Variants in ACOT11 observed in about 807,000 individuals in gnomAD.
The protein encoded by ACOT11 is acyl-CoA thioesterase 11, also known as acyl-coenzyme A thioesterase 11.
Under a neutral mutation model 77.5 loss-of-function variants are expected in ACOT11, and 69 were observed. The observed-to-expected ratio is 0.89, with a 90% CI of 0.73 to 1.09. ACOT11 has a LOEUF of 1.09. Ranked by LOEUF, ACOT11 falls within the 50% of genes least tolerant of loss-of-function variation. The pLI, the probability that ACOT11 is intolerant of heterozygous loss-of-function variation, is 0.00. For synonymous variants in ACOT11, 279 were observed against 313.0 expected (o/e 0.89, Z 1.15); for missense variants, 766 against 813.7 (o/e 0.94, Z 0.71).
chr1:54,609,778 C>A lies in ACOT11; in HGVS notation c.*666C>A, dbSNP rs61744146. On this transcript the variant is annotated 3_prime_UTR_variant, in exon 16 of 16. Coordinates refer to ENST00000343744, the MANE Select transcript of ACOT11 (RefSeq NM_147161.4). ...GGGATGGCCGGAGGGCTGCGGGCTC[C>A]GCTATTTGCAAATGGATGCCCCAGT... is the stretch of plus-strand genomic sequence containing the variant. 6.2e-7 allele frequency: 1 copy of A among 1,614,166 alleles called. No homozygotes were observed. The highest frequency in any genetic ancestry group is 1.1e-5 in the South Asian group (1 of 91,090).
chr1:54,560,656 C>T (rs1487895245), intron 1 of ACOT11, among the ~76,000 whole-genome samples: 2 of 152,046 alleles, frequency 1.3e-5, no homozygotes, highest in African/African-American at 2.4e-5. Flanking sequence ...AGCTTCCCCT[C>T]TCAGCCTCCC....
At chr1:54,616,098 T>C in intron 15 of ACOT11, 1 of 1,614,150 alleles carries the variant, frequency 6.2e-7, no homozygotes, top group Non-Finnish European at 8.5e-7. Context: ...GGGTGTGCCA[T>C]GATGGGAACT....
chr1:54,611,513 A>T (rs908665457), downstream of ACOT11: 16 of 1,290,954 alleles, frequency 1.2e-5, no homozygotes, highest in African/African-American at 1.8e-4. Flanking sequence ...CCCCCTTCTG[A>T]TATCCCTTCC....
intron 1 of ACOT11, among the ~76,000 whole-genome samples, chr1:54,570,545 C>T (rs985903405): frequency 2.0e-5 from 3 of 152,176 alleles, no homozygotes; most frequent in African/African-American, 7.2e-5. Context: ...GACAGAGTCT[C>T]GCTGTCACCC....
intron 8 of ACOT11, among the ~76,000 whole-genome samples, chr1:54,600,745 G>A (rs1381214485): frequency 6.6e-6 from 1 of 152,232 alleles, no homozygotes; most frequent in Non-Finnish European, 1.5e-5. Flanking sequence ...CAACTGAGCT[G>A]TTTGAAGCAA....
Position 54,609,576 on chromosome 1 carries a change from C to T in ACOT11, c.*464C>T. On this transcript the variant is annotated 3_prime_UTR_variant, in exon 16 of 16. Coordinates refer to ENST00000343744, the MANE Select transcript of ACOT11 (RefSeq NM_147161.4). The stretch of plus-strand genomic sequence containing the variant: ...TGTTCCCTGTAGCCACTGCCCAGCA[C>T]CTCCTCAGGCCAGCCTGGTGCCACA... 1 of 1,613,020 alleles carries T rather than the reference C, an allele frequency of 6.2e-7. No individual in the cohort carries two copies. The highest frequency in any genetic ancestry group is 1.7e-4 in the Middle Eastern group (1 of 6,032).
At chr1:54,599,494 A>C in intron 8 of ACOT11, 79 bp downstream of exon 8, 1 of 1,394,162 alleles carries the variant, frequency 7.2e-7, no homozygotes, top group Non-Finnish European at 9.6e-7. Context: ...CCCTACTTCA[A>C]ACTGTCCAGG....
intron 3 of ACOT11, among the ~76,000 whole-genome samples, chr1:54,589,888 A>G (rs1347142286): frequency 1.3e-5 from 2 of 152,142 alleles, no homozygotes; most frequent in Non-Finnish European, 2.9e-5. Flanking sequence ...TAAGATCCAG[A>G]CCATCCTGGC....
At chr1:54,576,375 T>C (rs1326665065) in intron 1 of ACOT11, among the ~76,000 whole-genome samples, 1 of 151,184 alleles carries the variant, frequency 6.6e-6, no homozygotes, top group Non-Finnish European at 1.5e-5. Flanking sequence ...CACATGCCTG[T>C]GGTCCCAGCA....
At chr1:54,635,034 A>G (rs1351016635) in exon 17 of ACOT11, 3 of 391,690 alleles carry the variant, frequency 7.7e-6, no homozygotes, top group South Asian at 6.6e-5. Context: ...CAATCATTCT[A>G]TGACACAGTT....
chr1:54,587,042 A>G (rs1412966314), intron 3 of ACOT11, among the ~76,000 whole-genome samples: 2 of 152,206 alleles, frequency 1.3e-5, no homozygotes, highest in Non-Finnish European at 2.9e-5. Flanking sequence ...TCATTCAGTC[A>G]TCAGTCATTC....
rs375370549 is a variant in ACOT11, at chr1:54,588,701, C to G, written c.311+2797C>G. On this transcript the variant is annotated intron_variant, in intron 3 of 15. Coordinates refer to ENST00000343744, the MANE Select transcript of ACOT11 (RefSeq NM_147161.4). The stretch of plus-strand genomic sequence containing the variant: ...AGCTGTGTCTGGGCCAGCTCCAGGT[C>G]CCTGTAGCCAACACAAGTTCTTTTA... 3.9e-5 allele frequency among the ~76,000 whole-genome samples: 6 copies of G among 152,204 alleles called. No individual in the cohort carries two copies. In the East Asian group the frequency reaches 1.2e-3, roughly 29 times the overall value.
chr1:54,634,704 G>A (rs371898283), exon 17 of ACOT11: 11 of 702,390 alleles, frequency 1.6e-5, no homozygotes, highest in South Asian at 4.4e-5. Context: ...ATCAACAGCC[G>A]ATTTGGATAC....
intron 1 of ACOT11, among the ~76,000 whole-genome samples, chr1:54,564,666 T>G (rs1464262849): frequency 3.9e-5 from 6 of 152,222 alleles, no homozygotes; most frequent in Admixed American, 3.9e-4. Context: ...AATTCCTCTT[T>G]TTCTTCTCCA....
At position 54,594,575 on chromosome 1, in the gene ACOT11, C is replaced by G; in HGVS notation, c.491C>G (p.Thr164Arg). The G allele has an allele frequency of 6.2e-7, 1 of 1,613,772 alleles. No homozygotes were observed. The highest frequency in any genetic ancestry group is 8.5e-7 in the Non-Finnish European group (1 of 1,179,840). ...CGACAGGTGAAGCTGAAGCAGATCA[C>G]GCCGCGGACAGAAGAGGAGAAGATG... ...EITKVKLKQI[T>R]PRTEEEKMEH... Residue 164 changes from threonine to arginine, a missense_variant, in exon 6 of 16, where the codon ACG (threonine) becomes AGG (arginine). Coordinates refer to ENST00000343744, the MANE Select transcript of ACOT11 (RefSeq NM_147161.4).
intron 1 of ACOT11, among the ~76,000 whole-genome samples, chr1:54,568,607 A>G (rs933881813): frequency 5.3e-5 from 8 of 151,042 alleles, no homozygotes; most frequent in Admixed American, 2.6e-4. Context: ...CAGGTGATCC[A>G]CTCACTTCGG....
At chr1:54,592,415 T>G (rs1489917257) in intron 3 of ACOT11, 131 bp from the exon 4 acceptor site, 3 of 802,806 alleles carry the variant, frequency 3.7e-6, no homozygotes, top group Non-Finnish European at 6.0e-6. Context: ...GTATCGCAGA[T>G]GTGAATATGC....
intron 1 of ACOT11, among the ~76,000 whole-genome samples, chr1:54,575,571 GA>G (rs35275199): frequency 0.12 from 18,114 of 151,996 alleles, 2,588 homozygotes; most frequent in African/African-American, 0.34. Flanking sequence ...GGAACGCACT[GA>G]AAAAAATCTC....
chr1:54,555,251 G>A (rs569658341), intron 1 of ACOT11, among the ~76,000 whole-genome samples: 5 of 152,252 alleles, frequency 3.3e-5, no homozygotes, highest in South Asian at 4.2e-4. Flanking sequence ...GAGCCACCAC[G>A]TCTGGCTCTG....
Sources: allele counts gnomAD v4.1 joint callset (sites outside exome capture counted in the v4.1 genomes callset), GRCh38; gene constraint gnomAD v4.1.1; transcripts MANE v1.5; gene names NCBI Gene and HGNC (gene_info 2026-07-23, HGNC 2026-07-21).